Variants in PROM2 observed in about 807,000 individuals in gnomAD.
PROM2 encodes the protein prominin-2.
A neutral mutation model predicts 110.2 loss-of-function variants in PROM2; 90 were observed. The ratio of observed to expected loss-of-function variants is 0.82; its 90% CI spans 0.69 to 0.97. PROM2 has a LOEUF of 0.97. PROM2 is among the 50% of genes least tolerant of loss of function. The pLI is 0.00. For synonymous variants in PROM2, 470 were observed against 467.8 expected (o/e 1.00, Z -0.06); for missense variants, 1,009 against 1,074.8 (o/e 0.94, Z 0.86).
Position 95,281,336 on chromosome 2 carries a change from C to T in PROM2, c.1522C>T (p.Gln508Ter), listed in dbSNP as rs1677029913. 2 of 1,609,174 alleles carry T rather than the reference C, an allele frequency of 1.2e-6. No homozygotes were observed. The highest frequency in any genetic ancestry group is 2.2e-5 in the South Asian group (2 of 91,028). ...TGGCAACGTGCAGACGCTGGTGTGC[C>T]AGAGCTGGGAGAACGGCGAGCTCTT... ...VGGNVQTLVC[Q>*]SWENGELFEF... The change falls in exon 12 of 24, where the codon CAG (glutamine) becomes TAG (stop). Residue 508 changes from glutamine to a stop codon, truncating the protein, a stop_gained. Transcript: ENST00000317620. LOFTEE classifies it high-confidence loss of function.
rs1209433360 is a variant in PROM2, at chr2:95,276,180, C to G, written c.498-47C>G. On this transcript the variant is annotated intron_variant, in intron 3 of 23. Coordinates refer to ENST00000317620, the MANE Select transcript of PROM2 (RefSeq NM_001165978.3). This position sits in a 1 kb window ranked among gnomAD's most constrained non-coding sequence, Gnocchi z 4.6. ...GGTAGGGCGGGCTGTGGCCCCCAGG[C>G]TCCCTCTTACCCAGCAAGCACCTTC... is the stretch of plus-strand genomic sequence containing the variant. 6.2e-7 allele frequency: 1 copy of G among 1,612,632 alleles called. No homozygotes were observed. The highest frequency in any genetic ancestry group is 8.5e-7 in the Non-Finnish European group (1 of 1,179,116).
At chr2:95,281,438 G>T in intron 12 of PROM2, 73 bp downstream of exon 12, 1 of 1,443,794 alleles carries the variant, frequency 6.9e-7, no homozygotes, top group South Asian at 1.3e-5. Context: ...CAGGAGGGTT[G>T]GGGGAAAGTG....
chr2:95,288,252 C>T lies in PROM2; in HGVS notation c.2286C>T (p.Ala762=). The change falls in exon 21 of 24, where the codon GCC becomes GCT. Residue 762 remains alanine (A), a synonymous_variant. Coordinates refer to ENST00000317620, the MANE Select transcript of PROM2 (RefSeq NM_001165978.3). ...CCACCTGCCAGCCCCTCTCCGGAGCCCTGGACAACAGCCGTGTGATCCTGT... is the reference window on the plus strand; with the variant it reads ...CCACCTGCCAGCCCCTCTCCGGAGCTCTGGACAACAGCCGTGTGATCCTGT... The part of the protein sequence containing the change: ...RIATCQPLSG[A]LDNSRVILCD... The T allele has an allele frequency of 6.2e-7, 1 of 1,614,062 alleles. No individual in the cohort carries two copies. The highest frequency in any genetic ancestry group is 2.2e-5 in the East Asian group (1 of 44,872).
Position 95,276,821 on chromosome 2 carries a change from G to T in PROM2, c.683-151G>T. The T allele has an allele frequency of 9.4e-7, 1 of 1,061,828 alleles. No individual in the cohort carries two copies. The highest frequency in any genetic ancestry group is 1.4e-5 in the South Asian group (1 of 70,094). 65.8% of individuals were successfully genotyped at this position (1,061,828 alleles called of 1,614,324 possible). On this transcript the variant is annotated intron_variant, in intron 5 of 23. Coordinates refer to ENST00000317620, the MANE Select transcript of PROM2 (RefSeq NM_001165978.3). This position sits in a 1 kb window ranked among gnomAD's most constrained non-coding sequence, Gnocchi z 4.6. ...GAGCAAGAGTGGCCGCCACTCAGCT[G>T]CTGGAGGAAGAAGCCGTGTCCCCGC...
intron 8 of PROM2, 121 bp from the exon 9 acceptor site, chr2:95,278,600 G>A: frequency 8.6e-7 from 1 of 1,161,834 alleles, no homozygotes; most frequent in East Asian, 2.4e-5. Flanking sequence ...GCGACCAAGA[G>A]AAAAGAGGGA....
intron 14 of PROM2, among the ~76,000 whole-genome samples, chr2:95,284,297 A>C (rs2320339): frequency 0.79 from 120,148 of 152,194 alleles, 47,731 homozygotes; most frequent in African/African-American, 0.86. Flanking sequence ...GAGTTCAAGA[A>C]CAGCCTGGGC....
At position 95,274,597 on chromosome 2, in the gene PROM2, A is replaced by G. The variant is rs756064766; in HGVS notation, c.12A>G (p.Thr4=). Residue 4 remains threonine, a synonymous_variant, in exon 1 of 24, where the codon ACA becomes ACG. Coordinates refer to ENST00000317620, the MANE Select transcript of PROM2 (RefSeq NM_001165978.3). ...ACCTTCCTGACCCCATGAAGCACACACTGGCTCTGCTGGCTCCCCTGCTGG... is the reference window on the plus strand; with the variant it reads ...ACCTTCCTGACCCCATGAAGCACACGCTGGCTCTGCTGGCTCCCCTGCTGG... MKH[T]LALLAPLLGL... 9.4e-6 allele frequency: 15 copies of G among 1,591,470 alleles called. No homozygotes were observed. The South Asian group carries it at 1.7e-4, about 18-fold the overall frequency.
Position 95,287,322 on chromosome 2 carries a change from T to C in PROM2, c.2176-74T>C, listed in dbSNP as rs1369198102. On this transcript the variant is annotated intron_variant, in intron 19 of 23. Transcript: ENST00000317620. ...GGGCCTGTCCTCAAGTTGCCAGGCA[T>C]GGGGGGTGGCGTGGGTGGGGGGCAC... is the stretch of plus-strand genomic sequence containing the variant. 3 of 1,146,272 alleles carry C rather than the reference T, an allele frequency of 2.6e-6. No homozygotes were observed. The Admixed American group carries it at 5.8e-5, about 22-fold the overall frequency. The allele number at this position is 1,146,272 out of a possible 1,614,324, so 71.0% of individuals were successfully genotyped here. A position where few individuals can be genotyped will look rare whatever the true frequency, so the allele number is the denominator to read the frequency against.
chr2:95,277,905 C>G (rs752631630), intron 7 of PROM2, 25 bp from the exon 8 acceptor site: 1 of 1,606,408 alleles, frequency 6.2e-7, no homozygotes. Flanking sequence ...TGAACTTTGT[C>G]ATAACCCACC....
intron 10 of PROM2, 151 bp from the exon 11 acceptor site, chr2:95,279,694 A>T (rs1249028155): frequency 1.1e-5 from 6 of 536,062 alleles, no homozygotes; most frequent in African/African-American, 1.9e-5. Flanking sequence ...ACCACACAAG[A>T]GCAGTAGGGC....
chr2:95,283,808 T>TTCA lies in PROM2; in HGVS notation c.1729-1160_1729-1158dup, dbSNP rs1428495598. 7.9e-5 allele frequency among the ~76,000 whole-genome samples: 12 copies of TTCA among 151,772 alleles called. No individual in the cohort carries two copies. The East Asian group carries it at 1.2e-3, about 15-fold the overall frequency. On this transcript the variant is annotated intron_variant, in intron 14 of 23. Coordinates refer to ENST00000317620, the MANE Select transcript of PROM2 (RefSeq NM_001165978.3). ...ATTCATTCATTCATTCATTCATTCATTCACACAGCTAACAAACTTGTCTCC... is the reference window on the plus strand; with the variant it reads ...ATTCATTCATTCATTCATTCATTCATTCATCACACAGCTAACAAACTTGTCTCC...
chr2:95,274,875 A>G (rs754085916), intron 1 of PROM2, 46 bp downstream of exon 1: 4 of 1,488,214 alleles, frequency 2.7e-6, no homozygotes, highest in Admixed American at 4.3e-5. Context: ...TTGGGTCCCC[A>G]GCCCGGCTTC....
Position 95,279,153 on chromosome 2 carries a change from C to A in PROM2, c.1274+9C>A. On this transcript the variant is annotated intron_variant, in intron 10 of 23. Transcript: ENST00000317620. ...AGATACGAGACCTACAGGTGCTGGG[C>A]ACCGCAGGGTGGGATGGGGTGGGGT... 4.8e-6 allele frequency: 6 copies of A among 1,255,166 alleles called. No homozygotes were observed. The highest frequency in any genetic ancestry group is 6.1e-6 in the Non-Finnish European group (6 of 982,492). 77.8% of individuals were successfully genotyped at this position (1,255,166 alleles called of 1,614,324 possible).
intron 8 of PROM2, chr2:95,278,426 A>G (rs1179867265): frequency 5.4e-6 from 3 of 559,664 alleles, no homozygotes; most frequent in Non-Finnish European, 9.6e-6. Context: ...AGAAGGGTGG[A>G]CTGGAGCTGG....
chr2:95,279,046 G>A lies in PROM2; in HGVS notation c.1176G>A (p.Pro392=), dbSNP rs149982705. Residue 392 remains proline (P), a synonymous_variant, in exon 10 of 24, where the codon CCG becomes CCA. Transcript: ENST00000317620. ...EGVRTLAEGF[P]GLEAASRWAQ... ...TGAGGACACTGGCTGAAGGGTTCCC[G>A]GGCTTGGAGGCAGCTTCCCGCTGGG... The A allele has an allele frequency of 8.2e-4, 1,326 of 1,613,080 alleles. 10 individuals carry two copies. In the African/African-American group the frequency reaches 0.015, roughly 19 times the overall value.
chr2:95,288,162 C>A (rs1418976435), intron 20 of PROM2, 49 bp from the exon 21 acceptor site: 66 of 1,583,982 alleles, frequency 4.2e-5, no homozygotes, highest in Non-Finnish European at 5.5e-5. Context: ...GGGTGTGCGC[C>A]TGTGGGTCCA....
intron 14 of PROM2, 26 bp downstream of exon 14, chr2:95,282,252 A>G: frequency 6.3e-7 from 1 of 1,579,656 alleles, no homozygotes; most frequent in Non-Finnish European, 8.7e-7. Context: ...GGAAACTGTG[A>G]GGAGCCCTCC....
At chr2:95,279,595 G>A (rs1030731810) in intron 10 of PROM2, among the ~76,000 whole-genome samples, 21 of 152,044 alleles carry the variant, frequency 1.4e-4, no homozygotes, top group African/African-American at 4.6e-4. Context: ...GCGCCCGGCC[G>A]CTTCTGCATA....
chr2:95,275,642 C>T lies in PROM2; in HGVS notation c.294+132C>T, dbSNP rs1676601405. Reference sequence around the variant, plus strand: ...TAGGCAGGGGCTCAGGCATCCTCTCCCCTCCTCTGTGGGCGCTGCAGTCCG... The same window carrying T: ...TAGGCAGGGGCTCAGGCATCCTCTCTCCTCCTCTGTGGGCGCTGCAGTCCG... On this transcript the variant is annotated intron_variant, in intron 2 of 23. Transcript: ENST00000317620. This position sits in a 1 kb window ranked among gnomAD's most constrained non-coding sequence, Gnocchi z 4.4. The T allele has an allele frequency of 2.9e-6, 4 of 1,368,184 alleles. No individual in the cohort carries two copies. Among genetic ancestry groups the T allele is most frequent in the South Asian group, 1.4e-5 (1 of 71,090 alleles). 84.8% of individuals were successfully genotyped at this position (1,368,184 alleles called of 1,614,324 possible).
Sources: gnomAD v4.1 joint callset for allele counts (sites outside exome capture counted in the v4.1 genomes callset) on GRCh38, gnomAD v4.1.1 for gene constraint, Gnocchi (gnomAD v3.1) non-coding constraint, MANE v1.5 for transcripts, NCBI Gene and HGNC (gene_info 2026-07-23, HGNC 2026-07-21) for gene names.